ADAMTS6: variants seen among roughly 807,000 people sequenced by gnomAD.
ADAMTS6 encodes the protein A disintegrin and metalloproteinase with thrombospondin motifs 6.
A neutral mutation model predicts 144.3 loss-of-function variants in ADAMTS6; 23 were observed. The observed-to-expected ratio is 0.16, with a 90% confidence interval of 0.11 to 0.23. The LOEUF (loss-of-function observed/expected upper bound fraction) is 0.23. Among genes scored for constraint, ADAMTS6 ranks in the 10% least tolerant of loss-of-function variants. The pLI is 1.00. For missense variants in ADAMTS6, 999 were observed against 1,379.6 expected (o/e 0.72, Z 4.37); for synonymous variants, 444 against 457.5 (o/e 0.97, Z 0.38).
chr5:65,457,229 T>C (rs973908324), intron 4 of ADAMTS6, among the ~76,000 whole-genome samples: 1 of 152,148 alleles, frequency 6.6e-6, no homozygotes, highest in African/African-American at 2.4e-5. Context: ...CAGATTTTAC[T>C]GAAAATAAGA....
chr5:65,181,264 T>C (rs1406538231), intron 22 of ADAMTS6, among the ~76,000 whole-genome samples: 1 of 152,236 alleles, frequency 6.6e-6, no homozygotes, highest in Non-Finnish European at 1.5e-5. Flanking sequence ...AATCCAAGTC[T>C]TTGAGCTTGC....
At chr5:65,362,153 AC>A (rs1170126013) in intron 7 of ADAMTS6, among the ~76,000 whole-genome samples, 1 of 152,178 alleles carries the variant, frequency 6.6e-6, no homozygotes, top group Admixed American at 6.5e-5. Flanking sequence ...TAACATCAAA[AC>A]TTTGCCTTCA....
chr5:65,369,176 C>T (rs557640897), intron 7 of ADAMTS6, among the ~76,000 whole-genome samples: 62 of 152,100 alleles, frequency 4.1e-4, no homozygotes, highest in African/African-American at 1.3e-3. Context: ...GCTATGATCA[C>T]ACCACTGCAC....
chr5:65,419,049 A>G (rs1755794222), intron 7 of ADAMTS6, among the ~76,000 whole-genome samples: 1 of 152,200 alleles, frequency 6.6e-6, no homozygotes, highest in South Asian at 2.1e-4. Context: ...ACTTATAGGT[A>G]TATATCCAAA....
intron 14 of ADAMTS6, among the ~76,000 whole-genome samples, chr5:65,253,455 T>C (rs1378750193): frequency 6.6e-6 from 1 of 152,232 alleles, no homozygotes; most frequent in African/African-American, 2.4e-5. Flanking sequence ...GATTGTTATC[T>C]AGTCCTTGAC....
At chr5:65,201,294 C>T (rs540028944) in intron 20 of ADAMTS6, among the ~76,000 whole-genome samples, 14 of 152,146 alleles carry the variant, frequency 9.2e-5, no homozygotes, top group Non-Finnish European at 1.9e-4. Context: ...TCCCTCTACT[C>T]CTCTTATTAG....
intron 9 of ADAMTS6, among the ~76,000 whole-genome samples, chr5:65,301,606 A>G (rs1009563248): frequency 6.6e-6 from 1 of 152,176 alleles, no homozygotes; most frequent in Non-Finnish European, 1.5e-5. Context: ...TCCATGGTGG[A>G]GATCCTGAAG....
Position 65,172,647 on chromosome 5 carries a change from ACT to A in ADAMTS6, c.3087+183_3087+184del, listed in dbSNP as rs574106012. 1.4e-4 allele frequency among the ~76,000 whole-genome samples: 21 copies of A among 152,128 alleles called. No homozygotes were observed. The South Asian group carries it at 1.7e-3, about 12-fold the overall frequency. On this transcript the variant is annotated intron_variant, in intron 23 of 24. Transcript: ENST00000381055. The stretch of plus-strand genomic sequence containing the variant: ...GTGGGTGTGGGAGAATCACTGGCTC[ACT>A]CTGTATGTGTCCACATGTGGTGGCT...
chr5:65,456,252 AAGATTAG>A (rs1225673242), intron 4 of ADAMTS6, among the ~76,000 whole-genome samples: 76 of 152,236 alleles, frequency 5.0e-4, no homozygotes, highest in South Asian at 3.3e-3. Flanking sequence ...TTTCAAAATA[AAGATTAG>A]TAGTTCTTCA....
chr5:65,306,648 C>T (rs1278265613), intron 9 of ADAMTS6, among the ~76,000 whole-genome samples: 1 of 152,186 alleles, frequency 6.6e-6, no homozygotes, highest in East Asian at 1.9e-4. Flanking sequence ...AAAGTGATTG[C>T]ACCAATTTAC....
At position 65,392,247 on chromosome 5, in the gene ADAMTS6, AGT is replaced by A. The variant is rs1752984441; in HGVS notation, c.1074-58164_1074-58163del. Among the ~76,000 whole-genome samples, 42 of 74,088 alleles carry A rather than the reference AGT, an allele frequency of 5.7e-4. 1 individual carries two copies. 48.6% of individuals were successfully genotyped at this position (74,088 alleles called of 152,430 possible). ...TATCTGATTTCTCCACTACATAAAT[AGT>A]AGACTTTTTTTCCTTATTGCAATTT... is the stretch of plus-strand genomic sequence containing the variant. On this transcript the variant is annotated intron_variant, in intron 7 of 24. Coordinates refer to ENST00000381055, the MANE Select transcript of ADAMTS6 (RefSeq NM_197941.4).
rs192933776 is a variant in ADAMTS6, at chr5:65,424,839, C to A, written c.1073+26636G>T. ...TATGTTGTTTTCCTTGATCAGTGGA[C>A]TCTACATCAATTTCTAGGACCTAAT... On this transcript the variant is annotated intron_variant, in intron 7 of 24. Coordinates refer to ENST00000381055, the MANE Select transcript of ADAMTS6 (RefSeq NM_197941.4). Among the ~76,000 whole-genome samples the A allele has an allele frequency of 1.3e-4, 20 of 152,266 alleles. No individual in the cohort carries two copies. The East Asian group carries it at 3.3e-3, about 25-fold the overall frequency.
At chr5:65,346,869 G>T (rs1409516639) in intron 7 of ADAMTS6, among the ~76,000 whole-genome samples, 1 of 150,864 alleles carries the variant, frequency 6.6e-6, no homozygotes, top group Non-Finnish European at 1.5e-5. Flanking sequence ...CAAAATCAAT[G>T]TAAAAAGACT....
intron 10 of ADAMTS6, among the ~76,000 whole-genome samples, chr5:65,296,827 T>C (rs1448509415): frequency 2.6e-5 from 4 of 152,350 alleles, no homozygotes; most frequent in East Asian, 3.9e-4. Context: ...TATGGATCTT[T>C]GACAGTTCAA....
At chr5:65,373,527 C>T (rs1224054519) in intron 7 of ADAMTS6, among the ~76,000 whole-genome samples, 5 of 151,216 alleles carry the variant, frequency 3.3e-5, no homozygotes, top group Middle Eastern at 3.4e-3. Flanking sequence ...ATAAATTCCT[C>T]GACACATACA....
At chr5:65,270,869 A>C (rs1311435929) in intron 12 of ADAMTS6, among the ~76,000 whole-genome samples, 1 of 152,198 alleles carries the variant, frequency 6.6e-6, no homozygotes, top group African/African-American at 2.4e-5. Context: ...GCAAAGGTCC[A>C]AAGACAGGGT....
intron 7 of ADAMTS6, among the ~76,000 whole-genome samples, chr5:65,398,554 A>C (rs914172452): frequency 1.3e-5 from 2 of 151,768 alleles, no homozygotes; most frequent in African/African-American, 4.8e-5. Flanking sequence ...GCAAAACCTT[A>C]TCTCTACTAA....
intron 8 of ADAMTS6, among the ~76,000 whole-genome samples, chr5:65,332,998 G>C (rs887984182): frequency 6.6e-6 from 1 of 152,098 alleles, no homozygotes; most frequent in African/African-American, 2.4e-5. Context: ...AGAAATTTTA[G>C]TTTCCGAAGA....
At chr5:65,274,938 C>T (rs1175030192) in intron 11 of ADAMTS6, among the ~76,000 whole-genome samples, 1 of 152,124 alleles carries the variant, frequency 6.6e-6, no homozygotes, top group Non-Finnish European at 1.5e-5. Flanking sequence ...CCCCACTTGG[C>T]CTCCCAAAGT....
Sources: gnomAD v4.1 joint callset for allele counts (sites outside exome capture counted in the v4.1 genomes callset) on GRCh38, gnomAD v4.1.1 for gene constraint, MANE v1.5 for transcripts, NCBI Gene and HGNC (gene_info 2026-07-23, HGNC 2026-07-21) for gene names.